The following PUDP variants were observed in gnomAD, a reference collection of about 807,000 sequenced individuals.
The protein encoded by PUDP is pseudouridine-5'-phosphatase.
Under a neutral mutation model 9.4 loss-of-function variants are expected in PUDP, and 8 were observed. The observed-to-expected ratio is 0.85, with a 90% confidence interval of 0.50 to 1.53. The LOEUF (loss-of-function observed/expected upper bound fraction) is 1.53, where lower values mean the gene tolerates loss of function less well. Ranked by LOEUF, PUDP falls within the 40% of genes most tolerant of loss-of-function variation. PUDP has a pLI of 0.00. For missense variants in PUDP, 188 were observed against 189.7 expected, an observed-to-expected ratio of 0.99 and a Z score of 0.05; for synonymous variants, 99 against 80.7, an observed-to-expected ratio of 1.23 and a Z score of -1.22.
chrX:6,765,625 T>C (rs1197930722), intron 3 of PUDP, among the ~76,000 whole-genome samples: 5 of 111,988 alleles, frequency 4.5e-5, no homozygotes, highest in African/African-American at 1.3e-4. Flanking sequence ...ATGTTATCAA[T>C]AAACCTTAAA....
intron 1 of PUDP, among the ~76,000 whole-genome samples, chrX:6,999,790 AAATAAT>A (rs1188128037): frequency 9.1e-6 from 1 of 109,644 alleles, no homozygotes; most frequent in Non-Finnish European, 1.9e-5. Context: ...TGAAAATAAA[AAATAAT>A]AATAATAATT....
intron 3 of PUDP, among the ~76,000 whole-genome samples, chrX:6,971,804 G>A (rs1362150533): frequency 9.0e-6 from 1 of 111,672 alleles, no homozygotes; most frequent in Non-Finnish European, 1.9e-5. Context: ...ATTACTTTTG[G>A]CAGTATGGCC....
intron 1 of PUDP, among the ~76,000 whole-genome samples, chrX:7,130,315 T>C (rs1470717052): frequency 4.6e-5 from 5 of 109,474 alleles, no homozygotes; most frequent in Non-Finnish European, 7.6e-5. Context: ...CGGAGGCTGA[T>C]TGGAGAATGA....
At chrX:6,871,404 G>A (rs6639692) in intron 3 of PUDP, among the ~76,000 whole-genome samples, 24,720 of 111,005 alleles carry the variant, frequency 0.22, 2,540 homozygotes, top group Admixed American at 0.4. Context: ...AAATCAAAAG[G>A]GCAGTGGAAT....
At chrX:7,007,875 G>A (rs1362346995) in intron 1 of PUDP, among the ~76,000 whole-genome samples, 1 of 111,953 alleles carries the variant, frequency 8.9e-6, no homozygotes, top group Non-Finnish European at 1.9e-5. Flanking sequence ...ATTCATTAAC[G>A]ATTATCTTAT....
At chrX:6,736,042 A>G (rs1924867997) in intron 3 of PUDP, among the ~76,000 whole-genome samples, 1 of 109,879 alleles carries the variant, frequency 9.1e-6, no homozygotes, top group Admixed American at 9.8e-5. Context: ...CAAAAAAAAA[A>G]AAAAGAAGCA....
intron 3 of PUDP, among the ~76,000 whole-genome samples, chrX:6,865,038 G>A (rs757996993): frequency 1.8e-5 from 2 of 111,864 alleles, no homozygotes; most frequent in South Asian, 3.7e-4. Context: ...TTTCATTGTC[G>A]ATGCTGTTGT....
At chrX:6,820,394 A>G (rs139547225) in intron 3 of PUDP, among the ~76,000 whole-genome samples, 1 of 110,948 alleles carries the variant, frequency 9.0e-6, no homozygotes, top group Non-Finnish European at 1.9e-5. Context: ...CCTTCCCAAC[A>G]GTTCCCCAAA....
At chrX:6,933,628 T>C (rs1323683552) in intron 3 of PUDP, among the ~76,000 whole-genome samples, 3 of 112,290 alleles carry the variant, frequency 2.7e-5, no homozygotes, top group African/African-American at 3.2e-5. Flanking sequence ...CAAAGCTGGA[T>C]GGAGAATGAC....
intron 3 of PUDP, among the ~76,000 whole-genome samples, chrX:6,908,041 T>C (rs1173006898): frequency 5.3e-5 from 6 of 112,292 alleles, no homozygotes; most frequent in Non-Finnish European, 9.4e-5. Context: ...TTGCAGACTC[T>C]AGCGACCTGC....
At chrX:6,879,706 C>T (rs1368842138) in intron 3 of PUDP, among the ~76,000 whole-genome samples, 1 of 111,540 alleles carries the variant, frequency 9.0e-6, no homozygotes, top group Non-Finnish European at 1.9e-5. Flanking sequence ...CAGCAAGAAG[C>T]AATAGAAGCT....
At chrX:6,987,916 G>C (rs1056168854) in intron 1 of PUDP, among the ~76,000 whole-genome samples, 1 of 111,784 alleles carries the variant, frequency 8.9e-6, no homozygotes, top group African/African-American at 3.2e-5. Context: ...TAATCTTATA[G>C]GTATTACGAT....
At chrX:6,762,007 A>G (rs1428402971) in intron 3 of PUDP, among the ~76,000 whole-genome samples, 1 of 111,600 alleles carries the variant, frequency 9.0e-6, no homozygotes, top group Non-Finnish European at 1.9e-5. Context: ...CCTGGGCAAC[A>G]TGGCAAAACC....
chrX:6,948,660 A>T (rs1928506406), intron 3 of PUDP, among the ~76,000 whole-genome samples: 3 of 112,071 alleles, frequency 2.7e-5, no homozygotes, highest in Admixed American at 9.5e-5. Context: ...TAAAGAAAAC[A>T]AGAATATTTT....
chrX:6,789,257 T>A (rs1925698156), intron 3 of PUDP, among the ~76,000 whole-genome samples: 1 of 107,560 alleles, frequency 9.3e-6, no homozygotes, highest in Non-Finnish European at 1.9e-5. Context: ...ACGACTGCAC[T>A]CCAGCCTGGG....
At chrX:6,906,119 C>G (rs756843634) in intron 3 of PUDP, among the ~76,000 whole-genome samples, 19 of 112,101 alleles carry the variant, frequency 1.7e-4, no homozygotes, top group Non-Finnish European at 3.0e-4. Flanking sequence ...GAGATGTTCC[C>G]ATGCCATGGC....
intron 1 of PUDP, among the ~76,000 whole-genome samples, chrX:7,146,373 TGA>T (rs1448786871): frequency 8.9e-6 from 1 of 111,959 alleles, no homozygotes; most frequent in African/African-American, 3.3e-5. Flanking sequence ...TTAAAATTCA[TGA>T]GACTCCCAGA....
intron 3 of PUDP, among the ~76,000 whole-genome samples, chrX:6,799,357 T>C (rs1181341117): frequency 8.9e-6 from 1 of 111,963 alleles, no homozygotes; most frequent in Non-Finnish European, 1.9e-5. Context: ...TAAAATACTC[T>C]TGGCTAAACC....
chrX:7,085,641 C>G (rs1331584878), intron 2 of PUDP, among the ~76,000 whole-genome samples: 1 of 112,479 alleles, frequency 8.9e-6, no homozygotes, highest in African/African-American at 3.2e-5. Context: ...TTAAGTTTAA[C>G]ATCTGTTTAA....
Sources: allele counts gnomAD v4.1 joint callset (sites outside exome capture counted in the v4.1 genomes callset), GRCh38; gene constraint gnomAD v4.1.1; transcripts MANE v1.5; gene names NCBI Gene and HGNC (gene_info 2026-07-23, HGNC 2026-07-21).